Variants in CDCA5 observed in about 807,000 individuals in gnomAD.
CDCA5 encodes the protein sororin.
A neutral mutation model predicts 25.7 loss-of-function variants in CDCA5; 14 were observed. The observed-to-expected ratio is 0.54, with a 90% CI of 0.36 to 0.85. The LOEUF (loss-of-function observed/expected upper bound fraction) is 0.85. CDCA5 is among the 40% of genes least tolerant of loss of function. The pLI, the probability that CDCA5 is intolerant of heterozygous loss-of-function variation, is 0.01. For missense variants in CDCA5, 307 were observed against 324.5 expected, an observed-to-expected ratio of 0.95 and a Z score of 0.41; for synonymous variants, 127 against 128.7, an observed-to-expected ratio of 0.99 and a Z score of 0.09.
chr11:65,070,306 G>GA (rs1472660333), intron 1 of CDCA5, among the ~76,000 whole-genome samples: 1 of 152,214 alleles, frequency 6.6e-6, no homozygotes, highest in African/African-American at 2.4e-5. Context: ...TGCTGCATGT[G>GA]ACAAGTGTCT....
At chr11:65,061,981 C>G (rs1200371700), downstream of CDCA5, among the ~76,000 whole-genome samples, 1 of 132,668 alleles carries the variant, frequency 7.5e-6, no homozygotes, top group African/African-American at 3.0e-5. Flanking sequence ...AGTGCAATGG[C>G]GCGATCTCGG....
chr11:65,079,695 GGGGGT>G lies in CDCA5; in HGVS notation c.331_335del (p.Thr111HisfsTer9). 1 of 1,578,576 alleles carries G rather than the reference GGGGGT, an allele frequency of 6.3e-7. No individual in the cohort carries two copies. The highest frequency in any genetic ancestry group is 1.1e-5 in the South Asian group (1 of 87,356). On this transcript the variant is annotated frameshift_variant, in exon 5 of 6. Transcript: ENST00000275517. LOFTEE classifies it high-confidence loss of function. ...CAGGGTTCGGCACAGGAGTGCTGGTGGGGGTGGCAGGGACGCTGTGTGTCTTGAAA... is the reference window on the plus strand; with the variant it reads ...CAGGGTTCGGCACAGGAGTGCTGGTGGGCAGGGACGCTGTGTGTCTTGAAA...
At chr11:65,072,950 T>TC (rs1396043192), downstream of CDCA5, among the ~76,000 whole-genome samples, 2 of 147,000 alleles carry the variant, frequency 1.4e-5, no homozygotes, top group East Asian at 3.9e-4. Flanking sequence ...TTTTTTTTTT[T>TC]TTTTTTTTTT....
exon 4 of CDCA5, chr11:65,067,722 C>G (rs1018887791): frequency 3.1e-6 from 4 of 1,289,766 alleles, no homozygotes; most frequent in African/African-American, 1.5e-5. Flanking sequence ...TCCTCCTGAT[C>G]TAAGAACTGG....
chr11:65,066,537 T>C (rs762835573), intron 6 of CDCA5: 3 of 1,289,302 alleles, frequency 2.3e-6, no homozygotes, highest in Non-Finnish European at 3.0e-6. Flanking sequence ...CCCGCTGCCA[T>C]GGCTGCCCGC....
intron 1 of CDCA5, among the ~76,000 whole-genome samples, chr11:65,071,658 G>T (rs1243899761): frequency 6.6e-6 from 1 of 152,168 alleles, no homozygotes; most frequent in African/African-American, 2.4e-5. Flanking sequence ...TGGGCATCTT[G>T]TATTTTTTGC....
intron 3 of CDCA5, chr11:65,067,991 ACTCTCTCTCT>A: frequency 2.6e-6 from 3 of 1,132,154 alleles, no homozygotes; most frequent in East Asian, 6.0e-5. Context: ...CTGCATGGGC[ACTCTCTCTCT>A]CTCTCTCTCT....
downstream of CDCA5, among the ~76,000 whole-genome samples, chr11:65,063,319 C>T (rs1207466205): frequency 1.3e-5 from 2 of 152,200 alleles, no homozygotes; most frequent in Non-Finnish European, 2.9e-5. Flanking sequence ...CCCTCTTGGG[C>T]AGGAATACCA....
chr11:65,064,732 G>T (rs1947216704), downstream of CDCA5, among the ~76,000 whole-genome samples: 1 of 152,116 alleles, frequency 6.6e-6, no homozygotes, highest in African/African-American at 2.4e-5. Flanking sequence ...CTAAGTCAGA[G>T]ATGTTAGTCT....
downstream of CDCA5, among the ~76,000 whole-genome samples, chr11:65,072,697 G>A (rs1307987368): frequency 1.3e-5 from 2 of 152,114 alleles, no homozygotes; most frequent in Admixed American, 1.3e-4. Context: ...CTTACTCCAT[G>A]ATGTGCCTGG....
At chr11:65,081,227 C>A (rs1456081846) in intron 4 of CDCA5, among the ~76,000 whole-genome samples, 2 of 152,078 alleles carry the variant, frequency 1.3e-5, no homozygotes, top group Non-Finnish European at 1.5e-5. Flanking sequence ...GAGTTTGAGA[C>A]CAGCCTGGCC....
chr11:65,070,106 C>T (rs977715676), intron 1 of CDCA5, among the ~76,000 whole-genome samples: 4 of 152,324 alleles, frequency 2.6e-5, no homozygotes, highest in East Asian at 1.9e-4. Context: ...AAGCAAGAGC[C>T]GTGGGGTCCT....
intron 4 of CDCA5, among the ~76,000 whole-genome samples, chr11:65,082,566 G>A (rs1252303938): frequency 1.3e-5 from 2 of 149,970 alleles, no homozygotes; most frequent in Non-Finnish European, 1.5e-5. Flanking sequence ...GGGTTTAAGC[G>A]ATTCTCCTGC....
downstream of CDCA5, among the ~76,000 whole-genome samples, chr11:65,064,598 C>T (rs1947215526): frequency 6.6e-6 from 1 of 152,078 alleles, no homozygotes; most frequent in Non-Finnish European, 1.5e-5. Flanking sequence ...GGGAAAATTG[C>T]AAGACAGCTG....
At chr11:65,064,415 C>G (rs1309795400), downstream of CDCA5, among the ~76,000 whole-genome samples, 1 of 78,006 alleles carries the variant, frequency 1.3e-5, no homozygotes, top group Non-Finnish European at 2.8e-5. Flanking sequence ...AAGACTCTGT[C>G]GCAAAAAAAA....
intron 4 of CDCA5, among the ~76,000 whole-genome samples, chr11:65,081,949 C>T (rs1947575673): frequency 6.6e-6 from 1 of 152,114 alleles, no homozygotes; most frequent in South Asian, 2.1e-4. Flanking sequence ...AGAACAAGAC[C>T]CTATCTTTAG....
chr11:65,081,294 A>G (rs921751495), intron 4 of CDCA5, among the ~76,000 whole-genome samples: 1 of 144,450 alleles, frequency 6.9e-6, no homozygotes, highest in African/African-American at 2.6e-5. Flanking sequence ...CAGGTGTGGT[A>G]GCAGGTGCCT....
At chr11:65,068,192 C>A (rs989669638) in intron 2 of CDCA5, 1 of 961,686 alleles carries the variant, frequency 1.0e-6, no homozygotes. Context: ...CCTCCCACAC[C>A]CCCCATCCTT....
In CDCA5 at chr11:65,077,799, T is replaced by C; in HGVS notation, c.*1308A>G. ...ATTAGGGCCCGCCTGGCCTGCACCGTTTCATCCAAGTACCCTGACCCAGCA... is the reference window on the plus strand; with the variant it reads ...ATTAGGGCCCGCCTGGCCTGCACCGCTTCATCCAAGTACCCTGACCCAGCA... On this transcript the variant is annotated 3_prime_UTR_variant, in exon 6 of 6. Transcript: ENST00000275517. The C allele has an allele frequency of 1.0e-6, 1 of 985,656 alleles. No individual in the cohort carries two copies. Among genetic ancestry groups the C allele is most frequent in the African/African-American group, 1.7e-5 (1 of 57,330 alleles). The allele number at this position is 985,656 out of a possible 1,614,324, so 61.1% of individuals were successfully genotyped here.
Sources: allele counts gnomAD v4.1 joint callset (sites outside exome capture counted in the v4.1 genomes callset), GRCh38; gene constraint gnomAD v4.1.1; transcripts MANE v1.5; gene names NCBI Gene and HGNC (gene_info 2026-07-23, HGNC 2026-07-21).